The following DHX32 variants were observed in gnomAD, a reference collection of about 807,000 sequenced individuals.
DHX32 encodes putative pre-mRNA-splicing factor ATP-dependent RNA helicase DHX32.
A neutral mutation model predicts 70.0 loss-of-function variants in DHX32; 51 were observed. The observed-to-expected ratio is 0.73, with a 90% confidence interval of 0.58 to 0.92. The LOEUF is 0.92. Among genes scored for constraint, DHX32 ranks in the 40% least tolerant of loss-of-function variants. DHX32 has a pLI of 0.00. For synonymous variants in DHX32, 310 were observed against 315.3 expected (o/e 0.98, Z 0.18); for missense variants, 762 against 891.8 (o/e 0.85, Z 1.85).
chr10:125,849,643 T>C (rs1281865323), intron 6 of DHX32, among the ~76,000 whole-genome samples: 2 of 152,160 alleles, frequency 1.3e-5, no homozygotes, highest in African/African-American at 2.4e-5. Context: ...TGCCGGTAGG[T>C]GTCAGGCACT....
At chr10:125,847,364 G>C (rs1174130668) in intron 6 of DHX32, among the ~76,000 whole-genome samples, 1 of 152,158 alleles carries the variant, frequency 6.6e-6, no homozygotes, top group Non-Finnish European at 1.5e-5. Context: ...TGGATTACTA[G>C]TGCTTGCATT....
chr10:125,888,785 C>T lies in DHX32; in HGVS notation c.-248+7433G>A, dbSNP rs1400305325. 2.6e-5 allele frequency among the ~76,000 whole-genome samples: 4 copies of T among 152,392 alleles called. No homozygotes were observed. In the East Asian group the frequency reaches 5.8e-4, roughly 22 times the overall value. On this transcript the variant is annotated intron_variant, in intron 1 of 2. Coordinates refer to the DHX32 transcript ENST00000415732. ...AGGTATTAATTCTGTCCTGGCCAGG[C>T]GTGGTGATTCATGCCTGTAACCCCA...
intron 8 of DHX32, among the ~76,000 whole-genome samples, chr10:125,839,713 A>T (rs186300276): frequency 1.3e-5 from 2 of 152,212 alleles, no homozygotes; most frequent in East Asian, 3.8e-4. Context: ...AAGCTCATCT[A>T]TCTACCCTAG....
intron 3 of DHX32, among the ~76,000 whole-genome samples, chr10:125,857,618 A>G (rs567161842): frequency 6.6e-6 from 1 of 152,336 alleles, no homozygotes; most frequent in South Asian, 2.1e-4. Context: ...TACAGTTTCT[A>G]CTACCAGCCT....
At chr10:125,868,303 A>C (rs1944235451) in intron 1 of DHX32, among the ~76,000 whole-genome samples, 2 of 152,232 alleles carry the variant, frequency 1.3e-5, no homozygotes, top group Admixed American at 1.3e-4. Context: ...ATGCATTGTT[A>C]CATGCATTTT....
intron 1 of DHX32, among the ~76,000 whole-genome samples, chr10:125,880,271 A>G (rs1944309217): frequency 6.6e-6 from 1 of 152,222 alleles, no homozygotes; most frequent in African/African-American, 2.4e-5. Flanking sequence ...AGTAAATTTA[A>G]TACTAGGATC....
At chr10:125,893,221 A>G (rs3068447) in intron 1 of DHX32, among the ~76,000 whole-genome samples, 1 of 122,552 alleles carries the variant, frequency 8.2e-6, no homozygotes, top group Non-Finnish European at 1.8e-5. Flanking sequence ...CTGCAGTCCC[A>G]TTTATTTATT....
At chr10:125,858,503 T>C (rs1944162390) in intron 3 of DHX32, among the ~76,000 whole-genome samples, 1 of 152,116 alleles carries the variant, frequency 6.6e-6, no homozygotes, top group Non-Finnish European at 1.5e-5. Flanking sequence ...ACAGATACAT[T>C]TAAGAAAACT....
At position 125,852,281 on chromosome 10, in the gene DHX32, G is replaced by A. The variant is rs375713611; in HGVS notation, c.1351+12C>T. On this transcript the variant is annotated intron_variant, in intron 6 of 10. Transcript: ENST00000284690. The stretch of plus-strand genomic sequence containing the variant: ...AGCCTAATGCCTGGCTGACATGGGA[G>A]CATAAGGCTACCTGGTCTGTTCATG... 4.6e-5 allele frequency: 74 copies of A among 1,612,334 alleles called. No homozygotes were observed. In the African/African-American group the frequency reaches 9.6e-4, roughly 21 times the overall value.
At position 125,893,266 on chromosome 10, in the gene DHX32, C is replaced by T. The variant is rs139671472; in HGVS notation, c.-248+2952G>A. Among the ~76,000 whole-genome samples, 7 of 152,228 alleles carry T rather than the reference C, an allele frequency of 4.6e-5. No individual in the cohort carries two copies. In the South Asian group the frequency reaches 1.2e-3, roughly 27 times the overall value. On this transcript the variant is annotated intron_variant, in intron 1 of 2. Transcript: ENST00000415732. ...AACTTTTATTTTATTTTTTTTGAGA[C>T]GGAGTCTTGCTCTGTCACCCAGGTT... is the stretch of plus-strand genomic sequence containing the variant.
intron 1 of DHX32, among the ~76,000 whole-genome samples, chr10:125,890,160 A>T (rs1305355820): frequency 6.6e-6 from 1 of 152,312 alleles, no homozygotes; most frequent in Non-Finnish European, 1.5e-5. Context: ...TCTGGAAGAA[A>T]TACCATAAAA....
chr10:125,873,011 C>G (rs868003347), intron 1 of DHX32, among the ~76,000 whole-genome samples: 8 of 152,332 alleles, frequency 5.3e-5, no homozygotes, highest in Middle Eastern at 6.8e-3. Flanking sequence ...CTCCGGGCAG[C>G]ACACAGAGGT....
rs1196253927 is a variant in DHX32, at chr10:125,890,958, A to AT, written c.-248+5259dup. On this transcript the variant is annotated intron_variant, in intron 1 of 2. Transcript: ENST00000415732. Reference sequence around the variant, plus strand: ...GACCCCGTCTCTATTAAAAAAACATATTTTTTAATGTATATACAGAAAGTC... The same window carrying AT: ...GACCCCGTCTCTATTAAAAAAACATATTTTTTTAATGTATATACAGAAAGTC... 2.6e-5 allele frequency among the ~76,000 whole-genome samples: 4 copies of AT among 152,168 alleles called. No individual in the cohort carries two copies. The East Asian group carries it at 7.7e-4, about 29-fold the overall frequency.
intron 3 of DHX32, among the ~76,000 whole-genome samples, chr10:125,859,022 T>G (rs1269545796): frequency 3.7e-5 from 5 of 135,136 alleles, no homozygotes; most frequent in Admixed American, 7.2e-5. Flanking sequence ...GAGTTAAAGG[T>G]TTTTTTTTTT....
rs767768928 is a variant in DHX32, at chr10:125,880,732, C to T, written c.93G>A (p.Glu31=). ...SLDSSDGDEE[E]VLACEDLELN... Reference sequence around the variant, plus strand: ...GTTCCAAATCCTCACAGGCCAAAACCTCTTCCTCATCCCCATCGCTGGAAT... The same window carrying T: ...GTTCCAAATCCTCACAGGCCAAAACTTCTTCCTCATCCCCATCGCTGGAAT... Residue 31 remains glutamate (E), a synonymous_variant, in exon 1 of 11, where the codon GAG becomes GAA. Transcript: ENST00000284690. 16 of 1,614,044 alleles carry T rather than the reference C, an allele frequency of 9.9e-6. No homozygotes were observed. In the East Asian group the frequency reaches 2.9e-4, roughly 29 times the overall value.
Position 125,859,615 on chromosome 10 carries a change from C to T in DHX32, c.837G>A (p.Leu279=). 6.3e-7 allele frequency: 1 copy of T among 1,586,412 alleles called. No individual in the cohort carries two copies. Among genetic ancestry groups the T allele is most frequent in the Non-Finnish European group, 8.6e-7 (1 of 1,167,964 alleles). The change falls in exon 3 of 11, where the codon CTG becomes CTA. Residue 279 remains leucine (L), a synonymous_variant. Transcript: ENST00000284690. ...ATCACTTACTTACTTGTTCACAGGCCAGAAAGACTACAATGTCACCTTTCT... is the reference window on the plus strand; with the variant it reads ...ATCACTTACTTACTTGTTCACAGGCTAGAAAGACTACAATGTCACCTTTCT... The part of the protein sequence containing the change: ...SGEKGDIVVF[L]ACEQDIEKVC...
chr10:125,893,462 C>T (rs1294249160), intron 1 of DHX32, among the ~76,000 whole-genome samples: 1 of 152,190 alleles, frequency 6.6e-6, no homozygotes, highest in Non-Finnish European at 1.5e-5. Context: ...CCAGCATGGT[C>T]TCGATCTCCT....
chr10:125,871,444 T>C (rs1944255121), intron 1 of DHX32, among the ~76,000 whole-genome samples: 1 of 152,230 alleles, frequency 6.6e-6, no homozygotes, highest in Non-Finnish European at 1.5e-5. Flanking sequence ...CAACAAATTA[T>C]ACTGCACGTA....
chr10:125,864,966 A>AAAAAAAAAAAAAAAAAAT (rs1944211562), intron 2 of DHX32, among the ~76,000 whole-genome samples: 1 of 142,948 alleles, frequency 7.0e-6, no homozygotes, highest in Non-Finnish European at 1.5e-5. Context: ...AAAAAAAAAA[A>AAAAAAAAAAAAAAAAAAT]AGAAAGAAAA....
Sources: allele counts gnomAD v4.1 joint callset (sites outside exome capture counted in the v4.1 genomes callset), GRCh38; gene constraint gnomAD v4.1.1; transcripts MANE v1.5; gene names NCBI Gene and HGNC (gene_info 2026-07-23, HGNC 2026-07-21).